RTTN: variants seen among roughly 807,000 people sequenced by gnomAD.
The protein encoded by RTTN is rotatin.
A neutral mutation model predicts 269.2 loss-of-function variants in RTTN; 182 were observed. That is an observed-to-expected ratio of 0.68 (90% CI 0.60 to 0.76). The LOEUF is 0.76. Among genes scored for constraint, RTTN ranks in the 30% least tolerant of loss-of-function variants. The pLI, the probability that RTTN is intolerant of heterozygous loss-of-function variation, is 0.00. For synonymous variants in RTTN, 1,006 were observed against 963.5 expected (o/e 1.04, Z -0.82); for missense variants, 2,545 against 2,608.6 (o/e 0.98, Z 0.53).
intron 10 of RTTN, among the ~76,000 whole-genome samples, chr18:70,185,782 A>G (rs895698843): frequency 1.3e-5 from 2 of 152,128 alleles, no homozygotes; most frequent in Non-Finnish European, 2.9e-5. Flanking sequence ...AGAAAACAAA[A>G]CAAAACAAAA....
At chr18:70,199,546 G>C in intron 4 of RTTN, 42 bp from the exon 5 acceptor site, 1 of 1,310,978 alleles carries the variant, frequency 7.6e-7, no homozygotes, top group Non-Finnish European at 1.1e-6. Flanking sequence ...AAAGAATAAA[G>C]AGATGACAGA....
chr18:70,091,963 C>G, intron 30 of RTTN, 147 bp downstream of exon 30: 1 of 416,988 alleles, frequency 2.4e-6, no homozygotes, highest in East Asian at 4.8e-5. Context: ...CTGTGTTAGC[C>G]AGGATGGTCT....
chr18:70,184,691 A>C (rs2061492872), intron 10 of RTTN, among the ~76,000 whole-genome samples: 2 of 131,828 alleles, frequency 1.5e-5, no homozygotes, highest in Non-Finnish European at 1.6e-5. Flanking sequence ...ATTCCATTCA[A>C]AACCACAGCA....
intron 23 of RTTN, chr18:70,129,778 A>G (rs2059952897): frequency 6.6e-6 from 1 of 152,078 alleles, no homozygotes. Flanking sequence ...AGTAAATGGG[A>G]TCATATCAAG....
intron 14 of RTTN, among the ~76,000 whole-genome samples, chr18:70,155,843 T>C (rs1284012018): frequency 6.6e-6 from 1 of 152,210 alleles, no homozygotes; most frequent in African/African-American, 2.4e-5. Context: ...TTCTTATGCC[T>C]GTCTTTACTG....
intron 44 of RTTN, among the ~76,000 whole-genome samples, chr18:70,022,786 G>A (rs1231803511): frequency 6.6e-6 from 1 of 152,102 alleles, no homozygotes; most frequent in Non-Finnish European, 1.5e-5. Flanking sequence ...CTGTGACTGT[G>A]CACTGTTATC....
rs369927073 is a variant in RTTN, at chr18:70,128,483, G to A, written c.3018C>T (p.Pro1006=). 50 of 1,613,124 alleles carry A rather than the reference G, an allele frequency of 3.1e-5. No individual in the cohort carries two copies. The highest frequency in any genetic ancestry group is 8.4e-5 in the Admixed American group (5 of 59,840). Residue 1006 remains proline (P), a synonymous_variant, in exon 24 of 49, where the codon CCC becomes CCT. Coordinates refer to ENST00000640769, the MANE Select transcript of RTTN (RefSeq NM_173630.4). The part of the protein sequence containing the change: ...HAVSPYSIVL[P]LSADCLALKP... Reference sequence around the variant, plus strand: ...TCAAGGCCAAACAATCAGCAGATAAGGGCAAAACTATGGAGTAAGGACTCA... The same window carrying A: ...TCAAGGCCAAACAATCAGCAGATAAAGGCAAAACTATGGAGTAAGGACTCA...
chr18:70,014,611 C>T (rs1004219278), intron 46 of RTTN, among the ~76,000 whole-genome samples: 3 of 152,200 alleles, frequency 2.0e-5, no homozygotes, highest in African/African-American at 4.8e-5. Flanking sequence ...GCCAAGTTCA[C>T]GGCCAACTTT....
intron 21 of RTTN, among the ~76,000 whole-genome samples, chr18:70,137,675 T>C (rs2060156548): frequency 6.6e-6 from 1 of 152,198 alleles, no homozygotes. Context: ...CAATCTTGCC[T>C]ATTTGAACTC....
chr18:70,048,981 C>T (rs898484443), intron 39 of RTTN, among the ~76,000 whole-genome samples: 21 of 152,088 alleles, frequency 1.4e-4, no homozygotes, highest in African/African-American at 4.8e-4. Context: ...TTGATTAGTA[C>T]TATTATTACA....
At chr18:70,099,936 CTA>C (rs2145330792) in intron 28 of RTTN, among the ~76,000 whole-genome samples, 1 of 152,246 alleles carries the variant, frequency 6.6e-6, no homozygotes, top group East Asian at 1.9e-4. Flanking sequence ...TTCCATTGGT[CTA>C]TATCTCTGTT....
chr18:70,067,330 T>C lies in RTTN; in HGVS notation c.4654-1408A>G, dbSNP rs529863643. 3.6e-3 allele frequency among the ~76,000 whole-genome samples: 544 copies of C among 152,230 alleles called. 4 individuals are homozygous for C. Among genetic ancestry groups the C allele is most frequent in the African/African-American group, 0.013 (520 of 41,558 alleles). On this transcript the variant is annotated intron_variant, in intron 34 of 48. Coordinates refer to ENST00000640769, the MANE Select transcript of RTTN (RefSeq NM_173630.4). ...GCCCGCCACCACGCCCGGCTAATTT[T>C]TTGTATTTTTAGTAGAGGCAGGGTT... is the stretch of plus-strand genomic sequence containing the variant.
chr18:70,148,882 A>G lies in RTTN; in HGVS notation c.2309+19T>C. ...GTTTCCATCAATCTTTGACGTTCAC[A>G]AGATTACGTTGTACTCACGATGGCT... On this transcript the variant is annotated intron_variant, in intron 17 of 48. Transcript: ENST00000640769. 8 of 1,612,348 alleles carry G rather than the reference A, an allele frequency of 5.0e-6. No individual in the cohort carries two copies. Among genetic ancestry groups the G allele is most frequent in the Non-Finnish European group, 6.8e-6 (8 of 1,179,086 alleles).
intron 14 of RTTN, among the ~76,000 whole-genome samples, chr18:70,161,764 A>G (rs776482702): frequency 1.4e-4 from 21 of 152,244 alleles, no homozygotes; most frequent in Admixed American, 8.5e-4. Flanking sequence ...ATCACTAATC[A>G]TTAGAAAAAT....
intron 25 of RTTN, among the ~76,000 whole-genome samples, chr18:70,126,536 T>C (rs928343249): frequency 5.3e-5 from 8 of 152,108 alleles, no homozygotes; most frequent in Non-Finnish European, 4.4e-5. Context: ...GTTATTTCCA[T>C]AAAATACATA....
chr18:70,137,997 G>C (rs373652242), intron 21 of RTTN, among the ~76,000 whole-genome samples: 1 of 152,018 alleles, frequency 6.6e-6, no homozygotes. Context: ...TTAATTTTTC[G>C]GCCAGGCACA....
chr18:70,200,226 CAT>C (rs1244700194), intron 4 of RTTN, among the ~76,000 whole-genome samples: 1 of 152,180 alleles, frequency 6.6e-6, no homozygotes, highest in Non-Finnish European at 1.5e-5. Context: ...AATTCCCAAA[CAT>C]AGCACAGTTA....
intron 32 of RTTN, among the ~76,000 whole-genome samples, chr18:70,081,086 C>G (rs1468039213): frequency 6.6e-6 from 1 of 152,152 alleles, no homozygotes; most frequent in Non-Finnish European, 1.5e-5. Context: ...GAAAACCAAA[C>G]ATCAAATGTT....
chr18:70,092,906 C>T (rs2058890240), intron 28 of RTTN, 102 bp from the exon 29 acceptor site: 1 of 996,920 alleles, frequency 1.0e-6, no homozygotes, highest in Non-Finnish European at 1.4e-6. Context: ...GAATCCTTAC[C>T]TTATAAAGTT....
Sources: gnomAD v4.1 joint callset for allele counts (sites outside exome capture counted in the v4.1 genomes callset) on GRCh38, gnomAD v4.1.1 for gene constraint, MANE v1.5 for transcripts, NCBI Gene and HGNC (gene_info 2026-07-23, HGNC 2026-07-21) for gene names.